NFIA: variants seen among roughly 807,000 people sequenced by gnomAD.
NFIA encodes nuclear factor 1 A-type.
A neutral mutation model predicts 62.8 loss-of-function variants in NFIA; 8 were observed. That is an observed-to-expected ratio of 0.13 (90% CI 0.07 to 0.23). The LOEUF is 0.23. Among genes scored for constraint, NFIA ranks in the 10% least tolerant of loss-of-function variants. The pLI is 1.00. For synonymous variants in NFIA, 235 were observed against 238.1 expected, an observed-to-expected ratio of 0.99 and a Z score of 0.12; for missense variants, 410 against 642.1, an observed-to-expected ratio of 0.64 and a Z score of 3.91.
chr1:61,114,071 A>T (rs983111177), intron 2 of NFIA, among the ~76,000 whole-genome samples: 1 of 152,190 alleles, frequency 6.6e-6, no homozygotes, highest in Non-Finnish European at 1.5e-5. Flanking sequence ...ATAAATCATG[A>T]TGGTTTTTAT....
At chr1:61,128,630 T>G (rs952175062) in intron 2 of NFIA, among the ~76,000 whole-genome samples, 3 of 152,100 alleles carry the variant, frequency 2.0e-5, no homozygotes, top group African/African-American at 7.2e-5. Flanking sequence ...GTTTGACATT[T>G]AAAAAAATGT....
rs748430347 is a variant in NFIA at position 61,088,286 on chromosome 1, C to A, written c.165C>A (p.Ala55=). 1 of 1,613,144 alleles carries A rather than the reference C, an allele frequency of 6.2e-7. No individual in the cohort carries two copies. Among genetic ancestry groups the A allele is most frequent in the South Asian group, 1.1e-5 (1 of 91,012 alleles). Residue 55 remains alanine, a synonymous_variant, in exon 2 of 11, where the codon GCC becomes GCA. Transcript: ENST00000403491. The surrounding 1 kb of genome is among the most constrained non-coding windows in gnomAD (Gnocchi z 4.5). ...EKRMSKEEER[A]VKDELLSEKP... is the part of the protein sequence containing the mutation. ...GTATGTCAAAAGAAGAAGAGAGAGC[C>A]GTGAAGGATGAATTGCTAAGTGAAA...
Position 61,256,739 on chromosome 1 carries a change from T to C in NFIA, c.560-20781T>C, listed in dbSNP as rs144946769. The stretch of plus-strand genomic sequence containing the variant: ...TACTTTCATGTTTTGATTGCAAGAA[T>C]ATGGTTTACACAGGTCTGTAGTTAG... On this transcript the variant is annotated intron_variant, in intron 2 of 10. Coordinates refer to ENST00000403491, the MANE Select transcript of NFIA (RefSeq NM_001134673.4). Among the ~76,000 whole-genome samples the C allele has an allele frequency of 2.1e-3, 316 of 152,272 alleles. 6 individuals are homozygous for C. The East Asian group carries it at 0.053, about 26-fold the overall frequency.
At chr1:61,187,034 C>G (rs1435683211) in intron 2 of NFIA, among the ~76,000 whole-genome samples, 1 of 152,148 alleles carries the variant, frequency 6.6e-6, no homozygotes, top group Admixed American at 6.5e-5. Context: ...CAGTAAAGAG[C>G]CAGTTTCACC....
intron 3 of NFIA, among the ~76,000 whole-genome samples, chr1:61,286,264 TAA>T (rs113974780): frequency 7.0e-6 from 1 of 143,326 alleles, no homozygotes. Flanking sequence ...TGTCTCTACT[TAA>T]AAAAAAAAAA....
At chr1:61,234,982 T>TG (rs1654904276) in intron 2 of NFIA, among the ~76,000 whole-genome samples, 2 of 152,214 alleles carry the variant, frequency 1.3e-5, no homozygotes, top group South Asian at 2.1e-4. Flanking sequence ...TTCCTCCCTC[T>TG]TCCTGGTAGG....
At chr1:61,280,576 G>T (rs915351745) in intron 3 of NFIA, among the ~76,000 whole-genome samples, 1 of 152,148 alleles carries the variant, frequency 6.6e-6, no homozygotes, top group African/African-American at 2.4e-5. Context: ...ATAGACAAAT[G>T]GTAACACGCT....
chr1:61,108,728 C>T (rs537277248), intron 2 of NFIA, among the ~76,000 whole-genome samples: 1 of 151,754 alleles, frequency 6.6e-6, no homozygotes, highest in South Asian at 2.1e-4. Context: ...TCGCTGCTCA[C>T]ATTTTAATCA....
At chr1:61,122,964 T>C (rs1243943399) in intron 2 of NFIA, among the ~76,000 whole-genome samples, 1 of 152,214 alleles carries the variant, frequency 6.6e-6, no homozygotes, top group African/African-American at 2.4e-5. Context: ...CGTATGTCCA[T>C]GTATCCAGGA....
chr1:61,444,217 A>C (rs550419650), intron 10 of NFIA, among the ~76,000 whole-genome samples: 1 of 152,360 alleles, frequency 6.6e-6, no homozygotes, highest in African/African-American at 2.4e-5. Flanking sequence ...ATCTACATCT[A>C]GAAGCCATTT....
At chr1:61,177,274 T>G (rs1477601596) in intron 2 of NFIA, among the ~76,000 whole-genome samples, 1 of 152,172 alleles carries the variant, frequency 6.6e-6, no homozygotes, top group Non-Finnish European at 1.5e-5. Context: ...CATTTGGGTC[T>G]CTCTATTTAT....
chr1:61,213,358 C>A (rs1368410904), intron 2 of NFIA, among the ~76,000 whole-genome samples: 7 of 152,180 alleles, frequency 4.6e-5, no homozygotes, highest in Non-Finnish European at 8.8e-5. Flanking sequence ...TCAATGTCAA[C>A]AGGAGATGCG....
upstream of NFIA, among the ~76,000 whole-genome samples, chr1:61,077,802 T>G (rs1425249168): frequency 6.6e-6 from 1 of 152,102 alleles, no homozygotes; most frequent in African/African-American, 2.4e-5. Context: ...AAGATGTAGC[T>G]TTGTTGATGG....
intron 2 of NFIA, among the ~76,000 whole-genome samples, chr1:61,210,399 CT>C (rs1407359913): frequency 2.6e-5 from 4 of 152,016 alleles, no homozygotes; most frequent in East Asian, 1.9e-4. Context: ...CTTTAATGTA[CT>C]TTTTTCCCCC....
intron 7 of NFIA, among the ~76,000 whole-genome samples, chr1:61,402,275 TGATCC>T (rs1402351047): frequency 6.6e-6 from 1 of 151,980 alleles, no homozygotes; most frequent in African/African-American, 2.4e-5. Context: ...CCTAACCTCA[TGATCC>T]GCCTGCCTCA....
intron 2 of NFIA, among the ~76,000 whole-genome samples, chr1:61,192,786 T>G (rs1039605260): frequency 6.6e-6 from 1 of 152,136 alleles, no homozygotes; most frequent in Non-Finnish European, 1.5e-5. Flanking sequence ...TTACTGTAAG[T>G]GCCGAAGCAC....
In NFIA at chr1:61,368,521, C is replaced by T. The variant is rs181636065; in HGVS notation, c.946+9247C>T. Among the ~76,000 whole-genome samples, 46 of 152,316 alleles carry T rather than the reference C, an allele frequency of 3.0e-4. No homozygotes were observed. In the East Asian group the frequency reaches 7.1e-3, roughly 24 times the overall value. ...CTGAGAATTTTAGCAAACTACTTCT[C>T]TGAATTTTCATTTCCTCATATGTAA... On this transcript the variant is annotated intron_variant, in intron 6 of 10. Transcript: ENST00000403491.
intron 5 of NFIA, among the ~76,000 whole-genome samples, chr1:61,355,238 G>A (rs1428283846): frequency 9.2e-6 from 1 of 109,278 alleles, no homozygotes; most frequent in Non-Finnish European, 2.0e-5. Context: ...ATACTTTCCT[G>A]CTTCCCTCAA....
Position 61,334,529 on chromosome 1 carries a change from G to GTA in NFIA, c.700+1949_700+1950dup, listed in dbSNP as rs1285574400. ...TAATATGGGGAGTATTTGTGTGTGT[G>GTA]TATATATGTGTGTGTGTGTGTGTGT... On this transcript the variant is annotated intron_variant, in intron 4 of 10. Coordinates refer to ENST00000403491, the MANE Select transcript of NFIA (RefSeq NM_001134673.4). 1.4e-3 allele frequency among the ~76,000 whole-genome samples: 56 copies of GTA among 39,878 alleles called. 1 individual carries two copies. The highest frequency in any genetic ancestry group is 0.013 in the Middle Eastern group (1 of 80). The allele number at this position is 39,878 out of a possible 152,430, so 26.2% of individuals were successfully genotyped here.
Sources: allele counts gnomAD v4.1 joint callset (sites outside exome capture counted in the v4.1 genomes callset), GRCh38; gene constraint gnomAD v4.1.1; non-coding constraint Gnocchi (gnomAD v3.1); transcripts MANE v1.5; gene names NCBI Gene and HGNC (gene_info 2026-07-23, HGNC 2026-07-21).